Variants in PDE10A observed in about 807,000 individuals in gnomAD.
PDE10A encodes the protein cAMP and cAMP-inhibited cGMP 3',5'-cyclic phosphodiesterase 10A.
In PDE10A, 39 loss-of-function variants were observed where a neutral mutation model predicts 97.7. The observed-to-expected ratio is 0.40, with a 90% CI of 0.31 to 0.52. PDE10A has a LOEUF of 0.52. PDE10A is among the 20% of genes least tolerant of loss of function. PDE10A has a pLI of 0.56. For missense variants in PDE10A, 731 were observed against 1,047.8 expected, an observed-to-expected ratio of 0.70 and a Z score of 4.17; for synonymous variants, 371 against 376.8, an observed-to-expected ratio of 0.98 and a Z score of 0.18.
intron 1 of PDE10A, among the ~76,000 whole-genome samples, chr6:165,880,900 A>G (rs564756932): frequency 6.6e-6 from 1 of 152,352 alleles, no homozygotes; most frequent in Non-Finnish European, 1.5e-5. Context: ...ATCCATGTGC[A>G]TTTCGAGGGA....
chr6:165,854,954 G>A (rs1320813022), intron 1 of PDE10A, among the ~76,000 whole-genome samples: 4 of 152,132 alleles, frequency 2.6e-5, no homozygotes, highest in African/African-American at 9.7e-5. Context: ...GCCTGGAGAG[G>A]GAGGCCCAGT....
rs1241239698 is a variant in PDE10A, at chr6:165,691,203, C to CCA, written c.-614-147637_-614-147636dup. ...TCTCTCTCTCCCTCTCTCTCTCTCC[C>CCA]CACACACACACACACACACACACAC... On this transcript the variant is annotated intron_variant, in intron 1 of 19. Transcript: ENST00000366882. 3.6e-3 allele frequency among the ~76,000 whole-genome samples: 396 copies of CCA among 108,556 alleles called. 20 individuals are homozygous for CCA. The highest frequency in any genetic ancestry group is 0.012 in the South Asian group (36 of 2,960). 71.2% of individuals were successfully genotyped at this position (108,556 alleles called of 152,430 possible). A position where few individuals can be genotyped will look rare whatever the true frequency, so the allele number is the denominator to read the frequency against.
intron 1 of PDE10A, among the ~76,000 whole-genome samples, chr6:165,633,272 A>C (rs1195667324): frequency 6.6e-6 from 1 of 152,174 alleles, no homozygotes. Flanking sequence ...TAAGGCATCA[A>C]GGAGAGATTC....
intron 3 of PDE10A, among the ~76,000 whole-genome samples, chr6:165,453,827 T>C (rs1215715020): frequency 6.6e-6 from 1 of 152,162 alleles, no homozygotes; most frequent in African/African-American, 2.4e-5. Context: ...GGCCAATACC[T>C]AGAGAAGCCC....
chr6:165,798,021 C>T (rs1421087535), intron 1 of PDE10A, among the ~76,000 whole-genome samples: 1 of 151,980 alleles, frequency 6.6e-6, no homozygotes, highest in Non-Finnish European at 1.5e-5. Context: ...GTAATTTTGC[C>T]CTTTGTTTTC....
At chr6:165,892,433 T>G (rs766105113) in intron 1 of PDE10A, among the ~76,000 whole-genome samples, 33 of 152,198 alleles carry the variant, frequency 2.2e-4, no homozygotes, top group African/African-American at 3.4e-4. Flanking sequence ...GTGCCCTCAG[T>G]GGCAAGAAAA....
chr6:165,620,961 C>A (rs949627788), intron 1 of PDE10A, among the ~76,000 whole-genome samples: 1 of 147,776 alleles, frequency 6.8e-6, no homozygotes, highest in Non-Finnish European at 1.5e-5. Flanking sequence ...GCAGAGGTTG[C>A]GGTGAGCCGA....
At chr6:165,613,759 G>A (rs182717229) in intron 1 of PDE10A, among the ~76,000 whole-genome samples, 5 of 152,260 alleles carry the variant, frequency 3.3e-5, no homozygotes, top group Admixed American at 6.5e-5. Flanking sequence ...TAAAGATAGA[G>A]TAATACTTTA....
intron 17 of PDE10A, among the ~76,000 whole-genome samples, chr6:165,383,930 T>C (rs1304385710): frequency 6.6e-6 from 1 of 151,890 alleles, no homozygotes; most frequent in African/African-American, 2.4e-5. Context: ...GTGGGGTAAT[T>C]ACATGTAGAG....
intron 1 of PDE10A, among the ~76,000 whole-genome samples, chr6:165,841,357 G>A (rs903557698): frequency 1.3e-5 from 2 of 152,204 alleles, no homozygotes; most frequent in Non-Finnish European, 2.9e-5. Context: ...CATGGAGATC[G>A]GCCCTGTGGC....
At chr6:165,392,893 A>T in intron 15 of PDE10A, 97 bp from the exon 16 acceptor site, 1 of 1,046,318 alleles carries the variant, frequency 9.6e-7, no homozygotes, top group East Asian at 2.5e-5. Flanking sequence ...CTGTACCCTT[A>T]TACATTTGCA....
intron 2 of PDE10A, among the ~76,000 whole-genome samples, chr6:165,506,555 T>C (rs1781202866): frequency 6.6e-6 from 1 of 152,128 alleles, no homozygotes; most frequent in Non-Finnish European, 1.5e-5. Flanking sequence ...CATTTCCAAG[T>C]AACAGTGCCA....
intron 1 of PDE10A, among the ~76,000 whole-genome samples, chr6:165,912,926 C>G (rs949243209): frequency 1.3e-5 from 2 of 152,116 alleles, no homozygotes; most frequent in African/African-American, 2.4e-5. Context: ...ACAAGAATCA[C>G]CTGTATAAAT....
At chr6:165,548,469 T>C (rs747578983) in intron 1 of PDE10A, among the ~76,000 whole-genome samples, 1 of 152,144 alleles carries the variant, frequency 6.6e-6, no homozygotes, top group African/African-American at 2.4e-5. Flanking sequence ...TTTTTAGTCC[T>C]ATGGTTTACT....
chr6:165,328,906 G>A lies in PDE10A; in HGVS notation c.*4119C>T, dbSNP rs1461610286. ...ATGGTTAAAGAAGTCAGCAAAATGT[G>A]TATTGGCTAAATACTTATGCACATG... On this transcript the variant is annotated 3_prime_UTR_variant, in exon 22 of 22. Transcript: ENST00000539869. The A allele has an allele frequency of 6.6e-6, 1 of 152,172 alleles. No homozygotes were observed. Among genetic ancestry groups the A allele is most frequent in the Non-Finnish European group, 1.5e-5 (1 of 68,030 alleles). The allele number at this position is 152,172 out of a possible 1,614,324, so 9.4% of individuals were successfully genotyped here. A position where few individuals can be genotyped will look rare whatever the true frequency, so the allele number is the denominator to read the frequency against.
chr6:165,830,789 C>T (rs1779888722), intron 1 of PDE10A, among the ~76,000 whole-genome samples: 1 of 152,206 alleles, frequency 6.6e-6, no homozygotes, highest in Non-Finnish European at 1.5e-5. Context: ...TCCCCCATTT[C>T]TTGTGCCAAT....
At chr6:165,748,028 C>T (rs550238726) in intron 1 of PDE10A, among the ~76,000 whole-genome samples, 10 of 152,190 alleles carry the variant, frequency 6.6e-5, no homozygotes, top group South Asian at 2.1e-4. Context: ...CACTGACCCT[C>T]GGGGTAAGAG....
At chr6:165,499,181 C>T (rs576382158) in intron 2 of PDE10A, among the ~76,000 whole-genome samples, 25 of 152,242 alleles carry the variant, frequency 1.6e-4, no homozygotes, top group African/African-American at 5.8e-4. Flanking sequence ...TCTGATCAGG[C>T]CAACAGTAGC....
At chr6:165,900,471 C>CA (rs1001264412) in intron 1 of PDE10A, among the ~76,000 whole-genome samples, 6 of 150,468 alleles carry the variant, frequency 4.0e-5, no homozygotes, top group South Asian at 2.1e-4. Context: ...GACTGTGTCT[C>CA]AAAAAAAACT....
Sources: gnomAD v4.1 joint callset for allele counts (sites outside exome capture counted in the v4.1 genomes callset) on GRCh38, gnomAD v4.1.1 for gene constraint, MANE v1.5 for transcripts, NCBI Gene and HGNC (gene_info 2026-07-23, HGNC 2026-07-21) for gene names.